The following JAK1 variants were observed in gnomAD, a reference collection of about 807,000 sequenced individuals.
JAK1 encodes tyrosine-protein kinase JAK1.
A neutral mutation model predicts 136.6 loss-of-function variants in JAK1; 16 were observed. That is an observed-to-expected ratio of 0.12 (90% confidence interval 0.08 to 0.18). The LOEUF is 0.18. Ranked by LOEUF, JAK1 falls within the 10% of genes least tolerant of loss-of-function variation. The pLI is 1.00. For synonymous variants in JAK1, 492 were observed against 519.5 expected (o/e 0.95, Z 0.72); for missense variants, 859 against 1,450.1 (o/e 0.59, Z 6.62).
chr1:64,952,436 G>GT (rs1390390641), intron 1 of JAK1, among the ~76,000 whole-genome samples: 4 of 152,280 alleles, frequency 2.6e-5, no homozygotes, highest in African/African-American at 7.2e-5. Flanking sequence ...ATTTTATATA[G>GT]TTTTTTCATT....
chr1:64,922,148 GAA>G (rs5774729), intron 1 of JAK1, among the ~76,000 whole-genome samples: 19 of 148,464 alleles, frequency 1.3e-4, no homozygotes, highest in African/African-American at 3.4e-4. Flanking sequence ...TGTTCTTATG[GAA>G]AAAAAAAACC....
In JAK1 at chr1:64,834,546, A is replaced by G; in HGVS notation, c.*16T>C. The G allele has an allele frequency of 6.6e-7, 1 of 1,505,444 alleles. No individual in the cohort carries two copies. Among genetic ancestry groups the G allele is most frequent in the Non-Finnish European group, 9.2e-7 (1 of 1,083,948 alleles). 93.3% of individuals were successfully genotyped at this position (1,505,444 alleles called of 1,614,324 possible). A position where few individuals can be genotyped will look rare whatever the true frequency, so the allele number is the denominator to read the frequency against. On this transcript the variant is annotated 3_prime_UTR_variant, in exon 25 of 25. Transcript: ENST00000342505. ...GGACTTGATAATCTGTGGAATTTAAATGTTATTCATGCTTCTTATTTTAAA... is the reference window on the plus strand; with the variant it reads ...GGACTTGATAATCTGTGGAATTTAAGTGTTATTCATGCTTCTTATTTTAAA...
chr1:64,839,895 G>C, intron 19 of JAK1, 100 bp from the exon 20 acceptor site: 2 of 1,000,404 alleles, frequency 2.0e-6, no homozygotes, highest in East Asian at 2.6e-5. Flanking sequence ...CTGAGGGCCA[G>C]GGGTTCTCGC....
intron 1 of JAK1, among the ~76,000 whole-genome samples, chr1:65,065,979 G>A (rs1387768613): frequency 6.6e-6 from 1 of 151,928 alleles, no homozygotes; most frequent in Non-Finnish European, 1.5e-5. Flanking sequence ...ATCACAACTT[G>A]CCGGGGGAAA....
intron 1 of JAK1, among the ~76,000 whole-genome samples, chr1:65,055,170 T>C (rs1294341928): frequency 6.6e-6 from 1 of 150,850 alleles, no homozygotes. Flanking sequence ...TTCCCCCCTC[T>C]CCCCCAGCTC....
intron 5 of JAK1, among the ~76,000 whole-genome samples, chr1:64,871,587 C>G (rs745552404): frequency 4.6e-5 from 7 of 152,212 alleles, no homozygotes; most frequent in Non-Finnish European, 1.0e-4. Flanking sequence ...CCCCCAAGAC[C>G]TTCCCTGTGT....
intron 1 of JAK1, among the ~76,000 whole-genome samples, chr1:64,944,499 T>C (rs374887134): frequency 1.9e-4 from 29 of 152,260 alleles, no homozygotes; most frequent in Middle Eastern, 3.4e-3. Context: ...CAAACAATAA[T>C]AACATACAAG....
Position 65,011,401 on chromosome 1 carries a change from G to A in JAK1, c.-78+33079C>T, listed in dbSNP as rs559354371. Reference sequence around the variant, plus strand: ...TGAGGCAGGAGGATCACTTGAGCCCGGAAGATCGAAGCTGTAGCAGCCTGG... The same window carrying A: ...TGAGGCAGGAGGATCACTTGAGCCCAGAAGATCGAAGCTGTAGCAGCCTGG... On this transcript the variant is annotated intron_variant, in intron 2 of 25. Transcript: ENST00000671954. 2.0e-4 allele frequency among the ~76,000 whole-genome samples: 31 copies of A among 152,106 alleles called. 1 individual carries two copies. The South Asian group carries it at 4.8e-3, about 23-fold the overall frequency.
At chr1:64,946,503 G>T (rs561286997) in intron 1 of JAK1, among the ~76,000 whole-genome samples, 71 of 152,264 alleles carry the variant, frequency 4.7e-4, no homozygotes, top group Non-Finnish European at 8.5e-4. Context: ...AATCTTCTAC[G>T]TCAGCCAGCT....
At chr1:64,876,185 G>A (rs1371539023) in intron 4 of JAK1, 1 of 152,212 alleles carries the variant, frequency 6.6e-6, no homozygotes, top group African/African-American at 2.4e-5. Context: ...GAGGTGGCAG[G>A]AGGGGAAAAG....
At chr1:65,038,691 T>C (rs1647099809) in intron 2 of JAK1, among the ~76,000 whole-genome samples, 1 of 151,968 alleles carries the variant, frequency 6.6e-6, no homozygotes, top group African/African-American at 2.4e-5. Context: ...CAGGCTGGAG[T>C]GCATTGGCAT....
At chr1:64,872,273 C>T (rs1232377893) in intron 5 of JAK1, among the ~76,000 whole-genome samples, 2 of 152,228 alleles carry the variant, frequency 1.3e-5, no homozygotes, top group East Asian at 3.8e-4. Context: ...AGCAAAGAAT[C>T]ATCTGGGCCA....
intron 2 of JAK1, chr1:64,986,012 G>T: frequency 7.4e-7 from 1 of 1,346,774 alleles, no homozygotes; most frequent in Non-Finnish European, 1.0e-6. Flanking sequence ...TGACCCCAGT[G>T]TTGTAGCCAA....
intron 1 of JAK1, among the ~76,000 whole-genome samples, chr1:65,055,257 C>T (rs1400116701): frequency 2.6e-5 from 4 of 152,164 alleles, no homozygotes; most frequent in Non-Finnish European, 5.9e-5. Flanking sequence ...TAACAGTATA[C>T]ACCCTTTTAT....
chr1:64,851,942 G>A (rs1326381806), intron 11 of JAK1, among the ~76,000 whole-genome samples: 1 of 152,174 alleles, frequency 6.6e-6, no homozygotes, highest in African/African-American at 2.4e-5. Context: ...TGTAACAGAA[G>A]GAAGTTCCTA....
chr1:64,986,106 ATTG>A, intron 2 of JAK1: 1 of 757,636 alleles, frequency 1.3e-6, no homozygotes, highest in Non-Finnish European at 2.1e-6. Flanking sequence ...CCTCAATCTA[ATTG>A]TTTTTTTTTT....
At chr1:64,916,164 T>C (rs1041084134) in intron 1 of JAK1, among the ~76,000 whole-genome samples, 1 of 152,154 alleles carries the variant, frequency 6.6e-6, no homozygotes, top group South Asian at 2.1e-4. Context: ...AAGCCTCTAA[T>C]GCAGACATGG....
intron 2 of JAK1, among the ~76,000 whole-genome samples, chr1:64,986,299 G>A (rs1312756455): frequency 6.6e-6 from 1 of 152,050 alleles, no homozygotes; most frequent in East Asian, 1.9e-4. Flanking sequence ...TAGAGATAGG[G>A]TTTCAAGATG....
At chr1:64,930,808 C>G (rs1185899038) in intron 1 of JAK1, among the ~76,000 whole-genome samples, 2 of 152,160 alleles carry the variant, frequency 1.3e-5, no homozygotes, top group Non-Finnish European at 2.9e-5. Flanking sequence ...CCATGGAATA[C>G]TATGCAGCCA....
Sources: gnomAD v4.1 joint callset for allele counts (sites outside exome capture counted in the v4.1 genomes callset) on GRCh38, gnomAD v4.1.1 for gene constraint, MANE v1.5 for transcripts, NCBI Gene and HGNC (gene_info 2026-07-23, HGNC 2026-07-21) for gene names.